Variants in GNA15 observed in about 807,000 individuals in gnomAD.
The protein encoded by GNA15 is guanine nucleotide-binding protein subunit alpha-15.
A neutral mutation model predicts 40.1 loss-of-function variants in GNA15; 23 were observed. That is an observed-to-expected ratio of 0.57 (90% CI 0.41 to 0.81). The LOEUF (loss-of-function observed/expected upper bound fraction) is 0.81, where lower values mean the gene tolerates loss of function less well. Ranked by LOEUF, GNA15 falls within the 40% of genes least tolerant of loss-of-function variation. The probability of loss-of-function intolerance (pLI) is 0.00; values close to 1 mark genes in which losing one functional copy is unlikely to be tolerated. For missense variants in GNA15, 522 were observed against 515.8 expected (o/e 1.01, Z -0.12); for synonymous variants, 226 against 210.4 (o/e 1.07, Z -0.64).
chr19:3,157,594 C>T (rs951969309), intron 5 of GNA15, 134 bp from the exon 6 acceptor site: 8 of 720,568 alleles, frequency 1.1e-5, no homozygotes, highest in Non-Finnish European at 1.9e-5. Flanking sequence ...CACGGGCACA[C>T]CCGCCTCAGC....
At chr19:3,144,541 T>A (rs934315049) in intron 1 of GNA15, among the ~76,000 whole-genome samples, 12 of 151,972 alleles carry the variant, frequency 7.9e-5, no homozygotes, top group South Asian at 2.1e-4. Context: ...TTATTTATTT[T>A]TTTTTGAGTC....
At chr19:3,146,999 G>T (rs1268237345) in intron 1 of GNA15, among the ~76,000 whole-genome samples, 1 of 151,506 alleles carries the variant, frequency 6.6e-6, no homozygotes, top group Non-Finnish European at 1.5e-5. Flanking sequence ...CAGGGCCTTT[G>T]CACAAGCTGT....
chr19:3,160,331 A>C (rs1442083369), intron 6 of GNA15, among the ~76,000 whole-genome samples: 5 of 146,786 alleles, frequency 3.4e-5, no homozygotes, highest in South Asian at 2.2e-4. Context: ...CTCCTTTTCC[A>C]CCTCCCCTGT....
Position 3,163,068 on chromosome 19 carries a change from G to A in GNA15, c.*49G>A. 8.0e-7 allele frequency: 1 copy of A among 1,243,676 alleles called. No homozygotes were observed. The highest frequency in any genetic ancestry group is 1.2e-6 in the Non-Finnish European group (1 of 847,050). 77.0% of individuals were successfully genotyped at this position (1,243,676 alleles called of 1,614,324 possible). A position where few individuals can be genotyped will look rare whatever the true frequency, so the allele number is the denominator to read the frequency against. ...GGCACCGGCGGGCGGGTGGGAGGTG[G>A]GAGTGGCTGCAGGGACCCCTAGTGT... On this transcript the variant is annotated 3_prime_UTR_variant, in exon 7 of 7. Coordinates refer to ENST00000262958, the MANE Select transcript of GNA15 (RefSeq NM_002068.4).
chr19:3,144,752 T>A (rs1421233475), intron 1 of GNA15, among the ~76,000 whole-genome samples: 3 of 151,270 alleles, frequency 2.0e-5, no homozygotes, highest in Non-Finnish European at 4.4e-5. Context: ...ATGGTCTCGA[T>A]CTCCTGACCT....
At chr19:3,150,450 C>G (rs960161721) in intron 3 of GNA15, among the ~76,000 whole-genome samples, 165 bp downstream of exon 3, 9 of 152,182 alleles carry the variant, frequency 5.9e-5, no homozygotes, top group Non-Finnish European at 1.2e-4. Flanking sequence ...CCCGGGGGAC[C>G]CTGTTCTGGG....
rs763604036 is a variant in GNA15 at position 3,136,426 on chromosome 19, C to T, written c.-25C>T. The stretch of plus-strand genomic sequence containing the variant: ...GCAGGGGCCCGGGGGCGATGCCACC[C>T]GGTGCCGACTGAGGCCACCGCACCA... On this transcript the variant is annotated 5_prime_UTR_variant, in exon 1 of 7. Transcript: ENST00000262958. This position sits in a 1 kb window ranked among gnomAD's most constrained non-coding sequence, Gnocchi z 4.9. The T allele has an allele frequency of 5.2e-5, 80 of 1,545,342 alleles. No individual in the cohort carries two copies. Among genetic ancestry groups the T allele is most frequent in the South Asian group, 3.9e-4 (33 of 83,712 alleles).
intron 3 of GNA15, among the ~76,000 whole-genome samples, chr19:3,150,689 G>A (rs1914859895): frequency 6.6e-6 from 1 of 151,262 alleles, no homozygotes; most frequent in East Asian, 2.0e-4. Flanking sequence ...GGGGTTCCCT[G>A]TTCCTGCGAG....
At position 3,163,223 on chromosome 19, in the gene GNA15, A is replaced by G; in HGVS notation, c.*204A>G. 2 of 580,662 alleles carry G rather than the reference A, an allele frequency of 3.4e-6. No individual in the cohort carries two copies. Among genetic ancestry groups the G allele is most frequent in the Non-Finnish European group, 6.1e-6 (2 of 325,606 alleles). 36.0% of individuals were successfully genotyped at this position (580,662 alleles called of 1,614,324 possible). A position where few individuals can be genotyped will look rare whatever the true frequency, so the allele number is the denominator to read the frequency against. On this transcript the variant is annotated 3_prime_UTR_variant, in exon 7 of 7. Transcript: ENST00000262958. Reference sequence around the variant, plus strand: ...CCCAGGGTACTCCTGCCCTTGCTTGACTCAGTTTCCCTCCTTTGAAAGGGA... The same window carrying G: ...CCCAGGGTACTCCTGCCCTTGCTTGGCTCAGTTTCCCTCCTTTGAAAGGGA...
intron 2 of GNA15, chr19:3,149,413 C>T (rs985924702): frequency 6.4e-6 from 1 of 157,472 alleles, no homozygotes; most frequent in African/African-American, 2.4e-5. Flanking sequence ...CACATGCACG[C>T]ACATGTGTGC....
chr19:3,156,163 GACAC>G (rs141415003), intron 5 of GNA15, among the ~76,000 whole-genome samples: 3,503 of 135,934 alleles, frequency 0.026, 73 homozygotes, highest in Middle Eastern at 0.073. Context: ...CAGGACCCCA[GACAC>G]ACACACACAC....
rs955478762 is a variant in GNA15, at chr19:3,163,150, C to T, written c.*131C>T. On this transcript the variant is annotated 3_prime_UTR_variant, in exon 7 of 7. Coordinates refer to ENST00000262958, the MANE Select transcript of GNA15 (RefSeq NM_002068.4). ...CGCAAGGGAGTCGGGGGACGGACGG[C>T]CCGCTGCTGGCCGCTCTCTTCTCTG... 7.7e-6 allele frequency: 5 copies of T among 648,482 alleles called. No individual in the cohort carries two copies. The highest frequency in any genetic ancestry group is 1.8e-5 in the African/African-American group (1 of 55,644). The allele number at this position is 648,482 out of a possible 1,614,324, so 40.2% of individuals were successfully genotyped here.
At position 3,148,097 on chromosome 19, in the gene GNA15, G is replaced by GT. The variant is rs891148337; in HGVS notation, c.146-485dup. Reference sequence around the variant, plus strand: ...TTTGTTTTTTTTGTTTGTTTGTTTTGTTTTTTTTTGAGACAGAATCTCGCC... The same window carrying GT: ...TTTGTTTTTTTTGTTTGTTTGTTTTGTTTTTTTTTTGAGACAGAATCTCGCC... On this transcript the variant is annotated intron_variant, in intron 1 of 6. Transcript: ENST00000262958. Among the ~76,000 whole-genome samples, 1,220 of 149,612 alleles carry GT rather than the reference G, an allele frequency of 8.2e-3. 12 individuals carry two copies. The highest frequency in any genetic ancestry group is 0.027 in the African/African-American group (1,117 of 40,700).
chr19:3,155,783 G>T lies in GNA15; in HGVS notation c.615-40G>T, dbSNP rs887523880. The T allele has an allele frequency of 1.2e-6, 2 of 1,601,336 alleles. No individual in the cohort carries two copies. The highest frequency in any genetic ancestry group is 1.3e-5 in the African/African-American group (1 of 74,776). On this transcript the variant is annotated intron_variant, in intron 4 of 6. Coordinates refer to ENST00000262958, the MANE Select transcript of GNA15 (RefSeq NM_002068.4). The surrounding 1 kb of genome is among the most constrained non-coding windows in gnomAD (Gnocchi z 5.6). ...GGGGGTTGGGGGTGTCACGGAGCAG[G>T]CTCCTGAGCTCTGAAAGGGGGCACC...
At chr19:3,146,041 C>T (rs1320083817) in intron 1 of GNA15, among the ~76,000 whole-genome samples, 1 of 152,158 alleles carries the variant, frequency 6.6e-6, no homozygotes, top group Non-Finnish European at 1.5e-5. Context: ...CGCCCCTTCT[C>T]CGTGCTCCGG....
chr19:3,137,302 C>T (rs1318362190), intron 1 of GNA15, among the ~76,000 whole-genome samples: 1 of 152,132 alleles, frequency 6.6e-6, no homozygotes. Context: ...AGGGTGATGG[C>T]TTCCATGCGG....
intron 1 of GNA15, among the ~76,000 whole-genome samples, chr19:3,146,122 T>G (rs766849772): frequency 2.0e-4 from 31 of 152,130 alleles, no homozygotes; most frequent in Non-Finnish European, 4.1e-4. Context: ...TGCTGCCGCT[T>G]GCTCGATCAA....
intron 1 of GNA15, among the ~76,000 whole-genome samples, chr19:3,146,792 G>A (rs933636095): frequency 1.3e-5 from 2 of 151,902 alleles, no homozygotes; most frequent in Admixed American, 6.6e-5. Flanking sequence ...GAGCACCTGA[G>A]TCAGGGCCAG....
intron 1 of GNA15, among the ~76,000 whole-genome samples, chr19:3,138,152 G>C (rs1914494161): frequency 6.6e-6 from 1 of 152,070 alleles, no homozygotes; most frequent in Non-Finnish European, 1.5e-5. Context: ...TGTAATCCCA[G>C]CTACTGGGGA....
Sources: allele counts gnomAD v4.1 joint callset (sites outside exome capture counted in the v4.1 genomes callset), GRCh38; gene constraint gnomAD v4.1.1; non-coding constraint Gnocchi (gnomAD v3.1); transcripts MANE v1.5; gene names NCBI Gene and HGNC (gene_info 2026-07-23, HGNC 2026-07-21).